KIFC3: variants seen among roughly 807,000 people sequenced by gnomAD.
KIFC3 encodes kinesin-like protein KIFC3.
A neutral mutation model predicts 101.8 loss-of-function variants in KIFC3; 60 were observed. The ratio of observed to expected loss-of-function variants is 0.59; its 90% confidence interval spans 0.48 to 0.73. KIFC3 has a LOEUF of 0.73. KIFC3 is among the 30% of genes least tolerant of loss of function. KIFC3 has a pLI of 0.00. For synonymous variants in KIFC3, 476 were observed against 482.7 expected (o/e 0.99, Z 0.18); for missense variants, 966 against 1,137.1 (o/e 0.85, Z 2.16).
At chr16:57,848,276 A>ATTTGTTTTAT (rs2055978898) in intron 1 of KIFC3, among the ~76,000 whole-genome samples, 1 of 152,210 alleles carries the variant, frequency 6.6e-6, no homozygotes, top group Non-Finnish European at 1.5e-5. Context: ...TCAAGCAAAC[A>ATTTGTTTTAT]GAGAGTGGTT....
Position 57,764,182 on chromosome 16 carries a change from C to G in KIFC3, c.1578G>C (p.Ala526=), listed in dbSNP as rs113233871. The change falls in exon 12 of 20, where the codon GCG becomes GCC. Residue 526 remains alanine, a synonymous_variant. Transcript: ENST00000445690. ...TCTTGCCGGCGCCCGTCTGGCCGTA[C>G]GCAAAGATGCAGACATTGAAGCCAT... The part of the protein sequence containing the change: ...CIDGFNVCIF[A]YGQTGAGKTY... 1.1e-5 allele frequency: 18 copies of G among 1,612,900 alleles called. No homozygotes were observed. Among genetic ancestry groups the G allele is most frequent in the Middle Eastern group, 1.6e-4 (1 of 6,078 alleles).
In KIFC3 at chr16:57,760,353, G is replaced by A. The variant is rs782267596; in HGVS notation, c.2296C>T (p.Arg766Cys). 6.2e-6 allele frequency: 10 copies of A among 1,613,822 alleles called. No homozygotes were observed. Among genetic ancestry groups the A allele is most frequent in the East Asian group, 2.2e-5 (1 of 44,898 alleles). ...LYSLKFAERV[R>C]SVELGPGLRR... ...AGCCCAGGCCCCAGCTCCACAGAGC[G>A]CACCCTCTCAGCAAACTTGAGGGAA... Residue 766 changes from arginine (R) to cysteine (C), a missense_variant, in exon 17 of 20, where the codon CGC (arginine) becomes TGC (cysteine). By Grantham distance (180) the Arg-to-Cys change is radical (BLOSUM62 -3). This residue lies in a region of KIFC3 where 689 missense variants were observed against 884.6 expected (regional missense o/e 0.78). Transcript: ENST00000445690.
intron 3 of KIFC3, among the ~76,000 whole-genome samples, chr16:57,780,171 T>C (rs2052554463): frequency 6.6e-6 from 1 of 152,346 alleles, no homozygotes; most frequent in Middle Eastern, 3.4e-3. Flanking sequence ...ATGGTGATGG[T>C]TGTTGCACAA....
At position 57,809,988 on chromosome 16, in the gene KIFC3, C is replaced by T. The variant is rs2055029153; in HGVS notation, c.109-11706G>A. On this transcript the variant is annotated intron_variant, in intron 1 of 2. Transcript: ENST00000563028. ...GGCCAGGTGGGGCTGAGAGCACTGA[C>T]TCAGTGCTCCCAATCCCTGCCTGCT... Among the ~76,000 whole-genome samples, 4 of 152,242 alleles carry T rather than the reference C, an allele frequency of 2.6e-5. No individual in the cohort carries two copies. In the South Asian group the frequency reaches 8.3e-4, roughly 32 times the overall value.
intron 3 of KIFC3, among the ~76,000 whole-genome samples, chr16:57,773,198 G>C (rs2051516025): frequency 6.6e-6 from 1 of 152,174 alleles, no homozygotes; most frequent in African/African-American, 2.4e-5. Context: ...CCCCACCTCG[G>C]GAAAGGTGCG....
chr16:57,781,031 G>A (rs1436884497), intron 3 of KIFC3, among the ~76,000 whole-genome samples: 12 of 151,970 alleles, frequency 7.9e-5, no homozygotes, highest in African/African-American at 1.4e-4. Context: ...AGGGAGTGCC[G>A]TGAGTGCCGG....
intron 1 of KIFC3, chr16:57,815,281 G>A (rs181734207): frequency 6.2e-5 from 20 of 323,680 alleles, no homozygotes; most frequent in African/African-American, 3.6e-4. Flanking sequence ...GGCTGTGGGG[G>A]TCCTGGGAGG....
chr16:57,838,835 G>A (rs779970852), intron 1 of KIFC3, among the ~76,000 whole-genome samples: 11 of 152,044 alleles, frequency 7.2e-5, no homozygotes, highest in South Asian at 2.1e-4. Flanking sequence ...AATCTGTGGC[G>A]TCTCTGTGTG....
At chr16:57,790,081 T>TCTTTCTTTCTTTC (rs1555619718) in intron 3 of KIFC3, among the ~76,000 whole-genome samples, 6 of 116,328 alleles carry the variant, frequency 5.2e-5, no homozygotes, top group African/African-American at 1.2e-4. Context: ...TTTCTTTCTT[T>TCTTTCTTTCTTTC]TTTTTTTTTT....
intron 3 of KIFC3, chr16:57,788,542 G>A: frequency 3.1e-6 from 4 of 1,276,072 alleles, no homozygotes; most frequent in Non-Finnish European, 3.1e-6. Context: ...GCTTCACTGG[G>A]GAGTGCCGGT....
chr16:57,807,083 G>A (rs1353751990), upstream of KIFC3, among the ~76,000 whole-genome samples: 1 of 152,112 alleles, frequency 6.6e-6, no homozygotes, highest in Admixed American at 6.5e-5. Flanking sequence ...CCGATGTGCT[G>A]GTGGGCGCCT....
chr16:57,768,324 C>A (rs1597930788), intron 9 of KIFC3, among the ~76,000 whole-genome samples: 1 of 152,170 alleles, frequency 6.6e-6, no homozygotes, highest in East Asian at 1.9e-4. Context: ...CCAGCCTGGG[C>A]AACAAGAGTG....
At chr16:57,855,060 G>GAATAAAAAT (rs2056136079) in intron 1 of KIFC3, among the ~76,000 whole-genome samples, 1 of 138,806 alleles carries the variant, frequency 7.2e-6, no homozygotes, top group Non-Finnish European at 1.6e-5. Flanking sequence ...TCTCTACAAA[G>GAATAAAAAT]AATAAAAATT....
Position 57,771,646 on chromosome 16 carries a change from A to G in KIFC3, c.422T>C (p.Val141Ala). Residue 141 changes from valine to alanine, a missense_variant, in exon 5 of 20, where the codon GTG becomes GCG. Around this residue, in one of 2 missense-constraint regions of KIFC3, gnomAD observed 277 missense variants for 252.5 expected, o/e 1.10. Transcript: ENST00000445690. The part of the protein sequence containing the change: ...DLEKHRDLLM[V>A]ENERLRQEMR... ...CTCCTGCCTCAGTCGCTCATTCTCC[A>G]CCATCAGCAGGTCCCGGTGCTTCTC... 2 of 1,613,052 alleles carry G rather than the reference A, an allele frequency of 1.2e-6. No homozygotes were observed. Among genetic ancestry groups the G allele is most frequent in the Non-Finnish European group, 1.7e-6 (2 of 1,179,864 alleles).
In KIFC3 at chr16:57,771,792, G is replaced by C. The variant is rs1436516478; in HGVS notation, c.382-106C>G. 2.0e-5 allele frequency: 27 copies of C among 1,343,496 alleles called. No homozygotes were observed. The South Asian group carries it at 3.3e-4, about 17-fold the overall frequency. The allele number at this position is 1,343,496 out of a possible 1,614,324, so 83.2% of individuals were successfully genotyped here. ...CAAGGGCAGGGAAGAGAGGAGAGGT[G>C]TGGAGAAAGGCAGAGGGAAGGAGAA... is the stretch of plus-strand genomic sequence containing the variant. On this transcript the variant is annotated intron_variant, in intron 4 of 19. Transcript: ENST00000445690.
At chr16:57,862,737 G>T (rs1172692872) in exon 1 of KIFC3, 2 of 1,286,486 alleles carry the variant, frequency 1.6e-6, no homozygotes, top group Admixed American at 2.3e-5. Context: ...ACCTTGCACT[G>T]CTCCGGGACA....
chr16:57,809,367 C>T (rs1371832347), intron 1 of KIFC3, among the ~76,000 whole-genome samples: 4 of 152,200 alleles, frequency 2.6e-5, no homozygotes, highest in African/African-American at 9.7e-5. Context: ...ATGATCAGAG[C>T]TCACTGCAGC....
rs565227210 is a variant in KIFC3, at chr16:57,770,531, G to A, written c.935C>T (p.Ala312Val). The A allele has an allele frequency of 2.8e-5, 40 of 1,433,556 alleles. No homozygotes were observed. Among genetic ancestry groups the A allele is most frequent in the South Asian group, 1.9e-4 (13 of 69,504 alleles). The allele number at this position is 1,433,556 out of a possible 1,614,324, so 88.8% of individuals were successfully genotyped here. A position where few individuals can be genotyped will look rare whatever the true frequency, so the allele number is the denominator to read the frequency against. Residue 312 changes from alanine to valine, a missense_variant, in exon 7 of 20, where the codon GCG becomes GTG. Physicochemically the swap from Ala to Val is moderately conservative, Grantham distance 64 (BLOSUM62 0). This residue lies in a region of KIFC3 where 689 missense variants were observed against 884.6 expected (regional missense o/e 0.78). Transcript: ENST00000445690. ...GCCCCCACACAGCCTGGGTACCTGC[G>A]CCCGGAGCCGCGCGGTCAGCTGGTG... ...SSHQLTARLR[A>V]QIAMYESELE...
intron 12 of KIFC3, among the ~76,000 whole-genome samples, chr16:57,763,321 G>A (rs1037868129): frequency 3.3e-5 from 5 of 152,070 alleles, no homozygotes; most frequent in African/African-American, 7.2e-5. Context: ...AGAGGATGCC[G>A]CACACATCCC....
Sources: allele counts gnomAD v4.1 joint callset (sites outside exome capture counted in the v4.1 genomes callset), GRCh38; gene constraint gnomAD v4.1.1; regional missense constraint gnomAD v4.1.1; transcripts MANE v1.5; gene names NCBI Gene and HGNC (gene_info 2026-07-23, HGNC 2026-07-21).